AGBL3: variants seen among roughly 807,000 people sequenced by gnomAD.
The protein encoded by AGBL3 is cytosolic carboxypeptidase 3.
AGBL3 carries 68 observed loss-of-function variants against 94.5 expected under a neutral mutation model. That is an observed-to-expected ratio of 0.72 (90% CI 0.59 to 0.88). The LOEUF (loss-of-function observed/expected upper bound fraction) is 0.88. AGBL3 is among the 40% of genes least tolerant of loss of function. The probability of loss-of-function intolerance (pLI) is 0.00; values close to 1 mark genes in which losing one functional copy is unlikely to be tolerated. For missense variants in AGBL3, 934 were observed against 1,103.8 expected (o/e 0.85, Z 2.18); for synonymous variants, 354 against 370.7 (o/e 0.95, Z 0.52).
chr7:135,063,218 T>G (rs536362188), intron 12 of AGBL3, among the ~76,000 whole-genome samples: 3 of 152,242 alleles, frequency 2.0e-5, no homozygotes, highest in African/African-American at 7.2e-5. Context: ...TCATCTTTTC[T>G]GACTTTATCT....
chr7:135,012,662 C>T (rs915843209), intron 4 of AGBL3, among the ~76,000 whole-genome samples: 1 of 151,914 alleles, frequency 6.6e-6, no homozygotes, highest in Non-Finnish European at 1.5e-5. Flanking sequence ...TGACCTTTGA[C>T]AAAGGCACCA....
intron 4 of AGBL3, chr7:135,010,704 A>G (rs1813036703): frequency 6.6e-6 from 1 of 152,192 alleles, no homozygotes; most frequent in South Asian, 2.1e-4. Context: ...CTGTTATTGC[A>G]ACTTTTCTGT....
rs544105326 is a variant in AGBL3, at chr7:135,113,416, C to A, written c.2111-1964C>A. On this transcript the variant is annotated intron_variant, in intron 15 of 16. Coordinates refer to ENST00000436302, the MANE Select transcript of AGBL3 (RefSeq NM_178563.4). ...TTCCTAGAATATTTTAAAATAAATT[C>A]TATAAATTATATTATTTTGCCTATA... Among the ~76,000 whole-genome samples, 317 of 152,192 alleles carry A rather than the reference C, an allele frequency of 2.1e-3. 1 individual carries two copies. The highest frequency in any genetic ancestry group is 7.2e-3 in the African/African-American group (301 of 41,534).
intron 15 of AGBL3, among the ~76,000 whole-genome samples, chr7:135,098,927 TG>T (rs1823339165): frequency 1.3e-5 from 2 of 152,120 alleles, no homozygotes; most frequent in Non-Finnish European, 2.9e-5. Context: ...AGAGCTAAAA[TG>T]TGTATCAGAG....
chr7:135,000,146 G>C (rs1353267553), intron 4 of AGBL3, among the ~76,000 whole-genome samples: 1 of 152,182 alleles, frequency 6.6e-6, no homozygotes, highest in East Asian at 1.9e-4. Flanking sequence ...CCTTATTAGA[G>C]TGTTTCTTTC....
chr7:135,052,396 T>C (rs944783637), intron 11 of AGBL3, among the ~76,000 whole-genome samples: 1 of 152,212 alleles, frequency 6.6e-6, no homozygotes, highest in Non-Finnish European at 1.5e-5. Context: ...GATGGAACAT[T>C]TGAAAATCGC....
intron 7 of AGBL3, among the ~76,000 whole-genome samples, chr7:135,035,486 G>A (rs1816212080): frequency 1.3e-5 from 2 of 152,020 alleles, no homozygotes; most frequent in African/African-American, 4.8e-5. Flanking sequence ...AAGGTGAGCA[G>A]CTGTAAGTAT....
rs369378694 is a variant in AGBL3, at chr7:135,043,419, CAG to C, written c.1501-602_1501-601del. Among the ~76,000 whole-genome samples, 1,501 of 152,074 alleles carry C rather than the reference CAG, an allele frequency of 9.9e-3. 13 individuals carry two copies. Among genetic ancestry groups the C allele is most frequent in the Non-Finnish European group, 0.015 (1,045 of 67,990 alleles). Reference sequence around the variant, plus strand: ...ATTAAAACAACTGAACTTGTAGAGACAGAGAATAGAAGGATGGTTACTAGAAG... The same window carrying C: ...ATTAAAACAACTGAACTTGTAGAGACAGAATAGAAGGATGGTTACTAGAAG... On this transcript the variant is annotated intron_variant, in intron 8 of 16. Transcript: ENST00000436302.
intron 4 of AGBL3, among the ~76,000 whole-genome samples, chr7:135,003,826 A>C (rs940440641): frequency 2.5e-4 from 38 of 151,328 alleles, no homozygotes; most frequent in Admixed American, 6.6e-5. Context: ...ATTACTTTTG[A>C]AAATTGCCAT....
chr7:135,126,763 T>C (rs192646327), intron 16 of AGBL3, among the ~76,000 whole-genome samples: 1 of 152,288 alleles, frequency 6.6e-6, no homozygotes, highest in Admixed American at 6.5e-5. Flanking sequence ...AAACAAGCAA[T>C]GGGGAAAGGA....
rs892395179 is a variant in AGBL3, at chr7:135,135,300, T to C, written c.*39T>C. The C allele has an allele frequency of 9.8e-6, 14 of 1,428,674 alleles. No individual in the cohort carries two copies. In the African/African-American group the frequency reaches 1.7e-4, roughly 18 times the overall value. 88.5% of individuals were successfully genotyped at this position (1,428,674 alleles called of 1,614,324 possible). A position where few individuals can be genotyped will look rare whatever the true frequency, so the allele number is the denominator to read the frequency against. ...TGCTCTGAGAACTGTGAATGAAGGATAACATATGCTTATGTAGTAAAAAGA... is the reference window on the plus strand; with the variant it reads ...TGCTCTGAGAACTGTGAATGAAGGACAACATATGCTTATGTAGTAAAAAGA... On this transcript the variant is annotated 3_prime_UTR_variant, in exon 17 of 17. Transcript: ENST00000436302.
chr7:135,069,317 A>G (rs1314712845), intron 12 of AGBL3, among the ~76,000 whole-genome samples: 1 of 152,174 alleles, frequency 6.6e-6, no homozygotes, highest in Non-Finnish European at 1.5e-5. Flanking sequence ...ACAGATCAAC[A>G]AGACAGAAAG....
rs1414268351 is a variant in AGBL3 at position 135,105,072 on chromosome 7, T to TTG, written c.2111-10307_2111-10306insGT. Among the ~76,000 whole-genome samples the TTG allele has an allele frequency of 8.8e-5, 13 of 147,344 alleles. No homozygotes were observed. The South Asian group carries it at 2.2e-3, about 24-fold the overall frequency. Reference sequence around the variant, plus strand: ...ATAGTTTTGGGTTTTACATTCAAGTTTTTTTTTTTTTTTTTGAGATGGAGT... The same window carrying TTG: ...ATAGTTTTGGGTTTTACATTCAAGTTTGTTTTTTTTTTTTTTTGAGATGGAGT... On this transcript the variant is annotated intron_variant, in intron 15 of 16. Transcript: ENST00000436302.
intron 3 of AGBL3, among the ~76,000 whole-genome samples, chr7:134,990,616 T>C (rs1810118251): frequency 6.6e-6 from 1 of 152,222 alleles, no homozygotes; most frequent in Non-Finnish European, 1.5e-5. Flanking sequence ...TCCCTAGGAA[T>C]AGTATTATTG....
intron 12 of AGBL3, among the ~76,000 whole-genome samples, chr7:135,061,134 C>A (rs1584973030): frequency 6.6e-6 from 1 of 151,654 alleles, no homozygotes; most frequent in East Asian, 1.9e-4. Flanking sequence ...ATGCATTTCT[C>A]TGATGATTAG....
Position 135,128,277 on chromosome 7 carries a change from G to A in AGBL3, c.2343-6564G>A, listed in dbSNP as rs570656811. ...ACTGCACTCCAGCCTGGGCAACAGAGTGAGACTCCATCTCAAAAAAAAAAA... is the reference window on the plus strand; with the variant it reads ...ACTGCACTCCAGCCTGGGCAACAGAATGAGACTCCATCTCAAAAAAAAAAA... On this transcript the variant is annotated intron_variant, in intron 16 of 16. Coordinates refer to ENST00000436302, the MANE Select transcript of AGBL3 (RefSeq NM_178563.4). 1.2e-3 allele frequency among the ~76,000 whole-genome samples: 129 copies of A among 104,722 alleles called. 3 individuals carry two copies. Among genetic ancestry groups the A allele is most frequent in the African/African-American group, 4.8e-3 (126 of 26,458 alleles). The allele number at this position is 104,722 out of a possible 152,430, so 68.7% of individuals were successfully genotyped here. A position where few individuals can be genotyped will look rare whatever the true frequency, so the allele number is the denominator to read the frequency against.
chr7:135,087,817 A>G (rs891843808), intron 15 of AGBL3, among the ~76,000 whole-genome samples: 4 of 151,962 alleles, frequency 2.6e-5, no homozygotes, highest in African/African-American at 9.7e-5. Flanking sequence ...AATGTTCTTA[A>G]ATGTTTATTA....
chr7:135,021,037 C>T (rs569011505), intron 5 of AGBL3, among the ~76,000 whole-genome samples: 10 of 117,446 alleles, frequency 8.5e-5, no homozygotes, highest in Admixed American at 3.0e-4. Flanking sequence ...TGCACATGTA[C>T]CCTAGAACTT....
chr7:135,123,654 T>A (rs147688164), intron 16 of AGBL3, among the ~76,000 whole-genome samples: 10,455 of 152,072 alleles, frequency 0.069, 436 homozygotes, highest in East Asian at 0.19. Flanking sequence ...AAAGGCCAGG[T>A]CATCTACAAA....
Sources: allele counts gnomAD v4.1 joint callset (sites outside exome capture counted in the v4.1 genomes callset), GRCh38; gene constraint gnomAD v4.1.1; transcripts MANE v1.5; gene names NCBI Gene and HGNC (gene_info 2026-07-23, HGNC 2026-07-21).